Variants in NKAIN2 observed in about 807,000 individuals in gnomAD.
The protein encoded by NKAIN2 is sodium/potassium-transporting ATPase subunit beta-1-interacting protein 2.
A neutral mutation model predicts 32.6 loss-of-function variants in NKAIN2; 14 were observed. The ratio of observed to expected loss-of-function variants is 0.43; its 90% CI spans 0.28 to 0.67. NKAIN2 has a LOEUF of 0.67. Ranked by LOEUF, NKAIN2 falls within the 30% of genes least tolerant of loss-of-function variation. The pLI is 0.17. For synonymous variants in NKAIN2, 80 were observed against 87.2 expected, an observed-to-expected ratio of 0.92 and a Z score of 0.46; for missense variants, 198 against 258.3, an observed-to-expected ratio of 0.77 and a Z score of 1.60.
intron 1 of NKAIN2, among the ~76,000 whole-genome samples, chr6:124,075,572 C>G (rs1335036719): frequency 6.6e-6 from 1 of 151,978 alleles, no homozygotes; most frequent in Non-Finnish European, 1.5e-5. Context: ...TTCTATAAAA[C>G]TTTAGGAAGT....
At chr6:124,475,723 G>T (rs1777169597) in intron 3 of NKAIN2, among the ~76,000 whole-genome samples, 1 of 152,120 alleles carries the variant, frequency 6.6e-6, no homozygotes, top group African/African-American at 2.4e-5. Context: ...ATTATGGTGA[G>T]CTGTAGTTCT....
intron 3 of NKAIN2, among the ~76,000 whole-genome samples, chr6:124,508,480 G>T (rs1481065271): frequency 6.8e-6 from 1 of 146,928 alleles, no homozygotes; most frequent in African/African-American, 2.5e-5. Flanking sequence ...TAGTAGCTGG[G>T]ACTACAGGCG....
At chr6:124,615,739 C>CT (rs1330950970) in intron 3 of NKAIN2, among the ~76,000 whole-genome samples, 3 of 152,092 alleles carry the variant, frequency 2.0e-5, no homozygotes, top group Non-Finnish European at 1.5e-5. Context: ...GATATTACAC[C>CT]TTTTGATATT....
At chr6:124,624,233 A>G (rs1396894895) in intron 3 of NKAIN2, among the ~76,000 whole-genome samples, 3 of 152,198 alleles carry the variant, frequency 2.0e-5, no homozygotes, top group African/African-American at 7.2e-5. Context: ...GAAGAAAGGA[A>G]GAGAAATGGG....
intron 1 of NKAIN2, among the ~76,000 whole-genome samples, chr6:123,835,171 G>A (rs1015362650): frequency 1.3e-5 from 2 of 152,070 alleles, no homozygotes; most frequent in Non-Finnish European, 2.9e-5. Flanking sequence ...CCATTTCACC[G>A]ACATCTCCTT....
chr6:124,825,505 T>C lies in NKAIN2; in HGVS notation c.*2276T>C, dbSNP rs1379014329. 6.6e-6 allele frequency: 1 copy of C among 152,660 alleles called. No homozygotes were observed. Among genetic ancestry groups the C allele is most frequent in the South Asian group, 2.1e-4 (1 of 4,834 alleles). The allele number at this position is 152,660 out of a possible 1,614,324, so 9.5% of individuals were successfully genotyped here. ...CTGAGCTTTTGTTATAAACTTAATA[T>C]TCAGAAGGCAAGGGTTATGATCCTG... On this transcript the variant is annotated 3_prime_UTR_variant, in exon 7 of 7. Coordinates refer to ENST00000368417, the MANE Select transcript of NKAIN2 (RefSeq NM_001040214.3).
chr6:124,792,759 A>G (rs1277878081), intron 5 of NKAIN2, among the ~76,000 whole-genome samples: 2 of 152,122 alleles, frequency 1.3e-5, no homozygotes, highest in African/African-American at 4.8e-5. Flanking sequence ...GTGAAAAAGC[A>G]TATCACGGCC....
At chr6:124,586,645 A>T (rs375107618) in intron 3 of NKAIN2, among the ~76,000 whole-genome samples, 19 of 152,148 alleles carry the variant, frequency 1.2e-4, no homozygotes, top group African/African-American at 4.1e-4. Context: ...CTTAAAAAAA[A>T]GTTCAGTACA....
chr6:124,290,359 T>G (rs1365705130), intron 2 of NKAIN2, among the ~76,000 whole-genome samples: 1 of 149,760 alleles, frequency 6.7e-6, no homozygotes, highest in Admixed American at 6.6e-5. Context: ...TGTTTAAGTA[T>G]TAGTTTCTTT....
At chr6:123,987,220 A>G (rs550713697) in intron 1 of NKAIN2, among the ~76,000 whole-genome samples, 1 of 152,300 alleles carries the variant, frequency 6.6e-6, no homozygotes, top group African/African-American at 2.4e-5. Context: ...TTTGAGTATT[A>G]TAGCTTCAGT....
rs117696179 is a variant in NKAIN2, at chr6:124,006,956, C to G, written c.54+202702C>G. 9.7e-3 allele frequency among the ~76,000 whole-genome samples: 1,481 copies of G among 152,276 alleles called. 7 individuals are homozygous for G. Among genetic ancestry groups the G allele is most frequent in the Middle Eastern group, 0.058 (17 of 292 alleles). ...AAGGAAATTTAGCCATTTAGTAATA[C>G]AGTCATACATTACTTAAGGACAGGA... On this transcript the variant is annotated intron_variant, in intron 1 of 6. Coordinates refer to ENST00000368417, the MANE Select transcript of NKAIN2 (RefSeq NM_001040214.3).
intron 3 of NKAIN2, among the ~76,000 whole-genome samples, chr6:124,524,478 T>C (rs1473949257): frequency 6.6e-6 from 1 of 152,202 alleles, no homozygotes; most frequent in African/African-American, 2.4e-5. Context: ...AATAGTAACA[T>C]GTTCATAGTC....
intron 1 of NKAIN2, among the ~76,000 whole-genome samples, chr6:123,992,198 T>A (rs1332937693): frequency 6.6e-6 from 1 of 152,126 alleles, no homozygotes; most frequent in Non-Finnish European, 1.5e-5. Context: ...GAGAGAATGA[T>A]GTTCAAGAGA....
At chr6:124,357,918 C>T (rs1348208776) in intron 3 of NKAIN2, among the ~76,000 whole-genome samples, 1 of 146,476 alleles carries the variant, frequency 6.8e-6, no homozygotes, top group African/African-American at 2.7e-5. Context: ...TAATGCTATC[C>T]CTCCCCCAAC....
At chr6:124,122,742 G>C (rs1281906456) in intron 1 of NKAIN2, among the ~76,000 whole-genome samples, 4 of 152,044 alleles carry the variant, frequency 2.6e-5, no homozygotes, top group African/African-American at 4.8e-5. Flanking sequence ...GGTCCTTAAA[G>C]TTTAATAAGA....
At chr6:124,276,183 T>A (rs576037820) in intron 1 of NKAIN2, among the ~76,000 whole-genome samples, 6 of 152,188 alleles carry the variant, frequency 3.9e-5, no homozygotes, top group African/African-American at 1.4e-4. Context: ...TTTTTCTTTT[T>A]AAAGAAAAAC....
At chr6:124,169,954 A>C (rs959493851) in intron 1 of NKAIN2, among the ~76,000 whole-genome samples, 3 of 152,182 alleles carry the variant, frequency 2.0e-5, no homozygotes, top group African/African-American at 7.2e-5. Flanking sequence ...AAATAGATTT[A>C]GTTAGGGAAC....
At chr6:124,464,338 C>T (rs1583291387) in intron 3 of NKAIN2, among the ~76,000 whole-genome samples, 1 of 151,872 alleles carries the variant, frequency 6.6e-6, no homozygotes, top group Admixed American at 6.6e-5. Context: ...ATATAATCTC[C>T]CATTCTTTAT....
chr6:124,412,429 T>C (rs1437804613), intron 3 of NKAIN2, among the ~76,000 whole-genome samples: 1 of 152,206 alleles, frequency 6.6e-6, no homozygotes, highest in African/African-American at 2.4e-5. Flanking sequence ...TGGAGTTTGC[T>C]GGAGGTCCAC....
Sources: gnomAD v4.1 joint callset for allele counts (sites outside exome capture counted in the v4.1 genomes callset) on GRCh38, gnomAD v4.1.1 for gene constraint, MANE v1.5 for transcripts, NCBI Gene and HGNC (gene_info 2026-07-23, HGNC 2026-07-21) for gene names.